The following B3GALNT1 variants were observed in gnomAD, a reference collection of about 807,000 sequenced individuals.
B3GALNT1 encodes UDP-GalNAc:beta-1,3-N-acetylgalactosaminyltransferase 1.
B3GALNT1 carries 17 observed loss-of-function variants against 27.3 expected under a neutral mutation model. The ratio of observed to expected loss-of-function variants is 0.62; its 90% CI spans 0.43 to 0.94. B3GALNT1 has a LOEUF of 0.94. Among genes scored for constraint, B3GALNT1 ranks in the 40% least tolerant of loss-of-function variants. B3GALNT1 has a pLI of 0.00. For synonymous variants in B3GALNT1, 141 were observed against 144.0 expected, an observed-to-expected ratio of 0.98 and a Z score of 0.15; for missense variants, 347 against 390.0, an observed-to-expected ratio of 0.89 and a Z score of 0.93.
intron 4 of B3GALNT1, among the ~76,000 whole-genome samples, chr3:161,087,374 G>A (rs1018566950): frequency 6.6e-6 from 1 of 152,132 alleles, no homozygotes; most frequent in African/African-American, 2.4e-5. Context: ...CACCTGAAAG[G>A]CAAGTCCTCC....
chr3:161,101,214 G>T lies in B3GALNT1; in HGVS notation c.-110C>A. 2 of 1,289,830 alleles carry T rather than the reference G, an allele frequency of 1.6e-6. No individual in the cohort carries two copies. The highest frequency in any genetic ancestry group is 2.0e-6 in the Non-Finnish European group (2 of 988,874). The allele number at this position is 1,289,830 out of a possible 1,614,324, so 79.9% of individuals were successfully genotyped here. A position where few individuals can be genotyped will look rare whatever the true frequency, so the allele number is the denominator to read the frequency against. On this transcript the variant is annotated 5_prime_UTR_variant, in exon 4 of 5. Coordinates refer to ENST00000320474, the MANE Select transcript of B3GALNT1 (RefSeq NM_003781.4). Reference sequence around the variant, plus strand: ...GCGGGAAGAGCCAACAGGTCAACCGGGTCCAGGGAGCTAAGAAAACTGGAG... The same window carrying T: ...GCGGGAAGAGCCAACAGGTCAACCGTGTCCAGGGAGCTAAGAAAACTGGAG...
rs1039709220 is a variant in B3GALNT1, at chr3:161,084,211, G to A, written c.*1548C>T. 7 of 152,060 alleles carry A rather than the reference G, an allele frequency of 4.6e-5. No homozygotes were observed. The highest frequency in any genetic ancestry group is 1.0e-4 in the Non-Finnish European group (7 of 67,996). The allele number at this position is 152,060 out of a possible 1,614,324, so 9.4% of individuals were successfully genotyped here. On this transcript the variant is annotated 3_prime_UTR_variant, in exon 5 of 5. Coordinates refer to ENST00000320474, the MANE Select transcript of B3GALNT1 (RefSeq NM_003781.4). ...ACTACCACCATCTGTCTTAAAGAAC[G>A]TGACTCCTATATGGATGGAGATTAA... is the stretch of plus-strand genomic sequence containing the variant.
chr3:161,086,833 CA>C, intron 4 of B3GALNT1, 45 bp from the exon 5 acceptor site: 1 of 1,556,436 alleles, frequency 6.4e-7, no homozygotes, highest in Admixed American at 1.9e-5. Context: ...ACACCGAAAA[CA>C]CATTTTCAAA....
At chr3:161,100,961 G>A (rs1730926155) in intron 4 of B3GALNT1, among the ~76,000 whole-genome samples, 178 bp downstream of exon 4, 2 of 152,054 alleles carry the variant, frequency 1.3e-5, no homozygotes, top group South Asian at 4.2e-4. Flanking sequence ...ATTTTCCAGG[G>A]AACAGTGCAG....
In B3GALNT1 at chr3:161,084,441, A is replaced by G. The variant is rs1720774576; in HGVS notation, c.*1318T>C. 1 of 152,202 alleles carries G rather than the reference A, an allele frequency of 6.6e-6. No homozygotes were observed. Among genetic ancestry groups the G allele is most frequent in the African/African-American group, 2.4e-5 (1 of 41,450 alleles). 9.4% of individuals were successfully genotyped at this position (152,202 alleles called of 1,614,324 possible). A position where few individuals can be genotyped will look rare whatever the true frequency, so the allele number is the denominator to read the frequency against. Reference sequence around the variant, plus strand: ...CATACTTTCAAGTTTATATTTCCTGACAAAGGATATGACCTTTTTCCATCC... The same window carrying G: ...CATACTTTCAAGTTTATATTTCCTGGCAAAGGATATGACCTTTTTCCATCC... On this transcript the variant is annotated 3_prime_UTR_variant, in exon 5 of 5. Coordinates refer to ENST00000320474, the MANE Select transcript of B3GALNT1 (RefSeq NM_003781.4).
At chr3:161,102,098 T>A (rs1731631678) in intron 3 of B3GALNT1, among the ~76,000 whole-genome samples, 1 of 152,188 alleles carries the variant, frequency 6.6e-6, no homozygotes, top group African/African-American at 2.4e-5. Context: ...AATATCTTCT[T>A]TGAGGGCCCT....
intron 2 of B3GALNT1, among the ~76,000 whole-genome samples, chr3:161,103,779 G>A (rs1415906775): frequency 6.6e-6 from 1 of 152,180 alleles, no homozygotes; most frequent in Non-Finnish European, 1.5e-5. Flanking sequence ...CCAGGCTGGA[G>A]TGCAATGGCA....
In B3GALNT1 at chr3:161,086,056, C is replaced by T. The variant is rs757609509; in HGVS notation, c.699G>A (p.Val233=). 18 of 1,592,314 alleles carry T rather than the reference C, an allele frequency of 1.1e-5. No homozygotes were observed. The highest frequency in any genetic ancestry group is 1.3e-5 in the Non-Finnish European group (15 of 1,171,430). ...CCAACCCACTGCAGTATGGAGGGAA[C>T]ACCTTGAAAGGATACTCCTGGTAAG... ...HISYQEYPFK[V]FPPYCSGLGY... The change falls in exon 5 of 5, where the codon GTG becomes GTA. Residue 233 remains valine (V), a synonymous_variant. Transcript: ENST00000320474.
At chr3:161,093,917 C>G (rs910326936) in intron 4 of B3GALNT1, among the ~76,000 whole-genome samples, 3 of 152,106 alleles carry the variant, frequency 2.0e-5, no homozygotes, top group Admixed American at 6.5e-5. Flanking sequence ...ATTAAGCAAA[C>G]AGTATCTTAT....
At chr3:161,095,499 T>C (rs1727624183) in intron 4 of B3GALNT1, among the ~76,000 whole-genome samples, 1 of 152,244 alleles carries the variant, frequency 6.6e-6, no homozygotes, top group Non-Finnish European at 1.5e-5. Context: ...TTTGAGTTGC[T>C]ATTGTTTGTA....
intron 4 of B3GALNT1, among the ~76,000 whole-genome samples, chr3:161,089,067 G>A (rs560786045): frequency 1.3e-5 from 2 of 152,266 alleles, no homozygotes; most frequent in African/African-American, 4.8e-5. Flanking sequence ...CTACAACACA[G>A]GTGGCTCCAA....
At chr3:161,104,124 CAT>C (rs765034154) in intron 2 of B3GALNT1, 193 bp downstream of exon 2, 18 of 325,014 alleles carry the variant, frequency 5.5e-5, no homozygotes, top group Non-Finnish European at 8.2e-5. Flanking sequence ...GGAAAAAAGT[CAT>C]AGTCTCTTAT....
rs1428286494 is a variant in B3GALNT1, at chr3:161,103,468, G to C, written c.-171C>G. The stretch of plus-strand genomic sequence containing the variant: ...GAAATTAAAGCTTAAGTTTTTTGTT[G>C]TTTTCTGTATTCCATGCTTAATTAA... On this transcript the variant is annotated 5_prime_UTR_variant, in exon 3 of 5. Coordinates refer to ENST00000320474, the MANE Select transcript of B3GALNT1 (RefSeq NM_003781.4). 4.2e-5 allele frequency: 54 copies of C among 1,283,622 alleles called. No homozygotes were observed. The highest frequency in any genetic ancestry group is 5.0e-5 in the Non-Finnish European group (49 of 984,260). 79.5% of individuals were successfully genotyped at this position (1,283,622 alleles called of 1,614,324 possible). A position where few individuals can be genotyped will look rare whatever the true frequency, so the allele number is the denominator to read the frequency against.
chr3:161,090,942 A>T (rs569921797), intron 4 of B3GALNT1, among the ~76,000 whole-genome samples: 1 of 152,340 alleles, frequency 6.6e-6, no homozygotes, highest in South Asian at 2.1e-4. Context: ...AATAGCTCTA[A>T]TTGAAGAGAA....
chr3:161,104,526 C>T (rs545108283), intron 1 of B3GALNT1, 120 bp from the exon 2 acceptor site: 3 of 401,222 alleles, frequency 7.5e-6, no homozygotes, highest in East Asian at 7.2e-5. Flanking sequence ...AGGATGGCAT[C>T]ATTCCTTACT....
chr3:161,102,062 T>G (rs1447471721), intron 3 of B3GALNT1, among the ~76,000 whole-genome samples: 1 of 152,138 alleles, frequency 6.6e-6, no homozygotes, highest in African/African-American at 2.4e-5. Flanking sequence ...CGGGCAAACT[T>G]TTTTCCCCAT....
At position 161,085,723 on chromosome 3, in the gene B3GALNT1, T is replaced by C; in HGVS notation, c.*36A>G. ...ACTTTATTTAACACTTTCCACAAAG[T>C]ATCCTGTCCTTCTAGGCTTTTTGTA... is the stretch of plus-strand genomic sequence containing the variant. On this transcript the variant is annotated 3_prime_UTR_variant, in exon 5 of 5. Transcript: ENST00000320474. 1 of 1,607,832 alleles carries C rather than the reference T, an allele frequency of 6.2e-7. No individual in the cohort carries two copies. The highest frequency in any genetic ancestry group is 8.5e-7 in the Non-Finnish European group (1 of 1,174,304).
At chr3:161,096,460 T>C (rs1232940560) in intron 4 of B3GALNT1, among the ~76,000 whole-genome samples, 2 of 152,208 alleles carry the variant, frequency 1.3e-5, no homozygotes, top group Non-Finnish European at 2.9e-5. Context: ...CTACATAAAA[T>C]ACTGCAAAGG....
chr3:161,100,300 CCACCTCGAG>C (rs1730528208), intron 4 of B3GALNT1, among the ~76,000 whole-genome samples: 1 of 152,102 alleles, frequency 6.6e-6, no homozygotes, highest in Non-Finnish European at 1.5e-5. Context: ...AGAAAAAAGC[CCACCTCGAG>C]CACCACTCTC....
Sources: gnomAD v4.1 joint callset for allele counts (sites outside exome capture counted in the v4.1 genomes callset) on GRCh38, gnomAD v4.1.1 for gene constraint, MANE v1.5 for transcripts, NCBI Gene and HGNC (gene_info 2026-07-23, HGNC 2026-07-21) for gene names.